The following AUTS2 variants were observed in gnomAD, a reference collection of about 807,000 sequenced individuals.
AUTS2 encodes the protein autism susceptibility gene 2 protein.
In AUTS2, 17 loss-of-function variants were observed where a neutral mutation model predicts 112.4. The observed-to-expected ratio is 0.15, with a 90% CI of 0.10 to 0.23. AUTS2 has a LOEUF of 0.23. Ranked by LOEUF, AUTS2 falls within the 10% of genes least tolerant of loss-of-function variation. The probability of loss-of-function intolerance (pLI) is 1.00; values close to 1 mark genes in which losing one functional copy is unlikely to be tolerated. For synonymous variants in AUTS2, 751 were observed against 702.7 expected, an observed-to-expected ratio of 1.07 and a Z score of -1.09; for missense variants, 1,510 against 1,701.6, an observed-to-expected ratio of 0.89 and a Z score of 1.98.
At chr7:70,583,772 G>C (rs1802564426) in intron 5 of AUTS2, among the ~76,000 whole-genome samples, 1 of 152,104 alleles carries the variant, frequency 6.6e-6, no homozygotes, top group Non-Finnish European at 1.5e-5. Flanking sequence ...TTTCTTTGTG[G>C]AAGAAAGCAA....
chr7:70,066,632 G>A (rs536411793), intron 2 of AUTS2, among the ~76,000 whole-genome samples: 4 of 149,342 alleles, frequency 2.7e-5, no homozygotes, highest in African/African-American at 7.4e-5. Context: ...TCCGTCTCCC[G>A]GGTTCAAGCG....
chr7:70,604,887 G>C (rs1803650673), intron 5 of AUTS2, among the ~76,000 whole-genome samples: 1 of 152,100 alleles, frequency 6.6e-6, no homozygotes, highest in African/African-American at 2.4e-5. Context: ...CCCAAATATG[G>C]GAAATCTGAT....
chr7:69,634,021 C>CA (rs1794399809), intron 1 of AUTS2, among the ~76,000 whole-genome samples: 1 of 152,130 alleles, frequency 6.6e-6, no homozygotes, highest in South Asian at 2.1e-4. Flanking sequence ...ATTGCCAAGA[C>CA]AAAGTCCAGG....
intron 4 of AUTS2, among the ~76,000 whole-genome samples, chr7:70,147,971 C>G (rs1428516441): frequency 6.6e-5 from 10 of 152,092 alleles, no homozygotes. Flanking sequence ...GAAGTGATCT[C>G]TCTTTCCATC....
chr7:70,127,628 G>C (rs977102970), intron 3 of AUTS2, among the ~76,000 whole-genome samples: 3 of 152,148 alleles, frequency 2.0e-5, no homozygotes, highest in African/African-American at 7.2e-5. Context: ...TTAGTTATGA[G>C]AAGACAGAAA....
intron 5 of AUTS2, among the ~76,000 whole-genome samples, chr7:70,501,397 G>A (rs1204051664): frequency 6.6e-6 from 1 of 152,158 alleles, no homozygotes; most frequent in African/African-American, 2.4e-5. Flanking sequence ...CTATGAGATA[G>A]CCTGTTAGCT....
chr7:70,641,598 C>G (rs954703564), intron 5 of AUTS2, among the ~76,000 whole-genome samples: 1 of 152,110 alleles, frequency 6.6e-6, no homozygotes, highest in African/African-American at 2.4e-5. Context: ...TGTGAGCTCA[C>G]CAGTTAACTA....
chr7:70,305,252 C>T (rs1441957761), intron 4 of AUTS2, among the ~76,000 whole-genome samples: 2 of 151,814 alleles, frequency 1.3e-5, no homozygotes, highest in East Asian at 3.9e-4. Context: ...GAAGTAAAGC[C>T]CTCTCAGAGT....
intron 5 of AUTS2, among the ~76,000 whole-genome samples, chr7:70,512,405 A>G (rs933295821): frequency 1.3e-5 from 2 of 152,188 alleles, no homozygotes; most frequent in Non-Finnish European, 2.9e-5. Context: ...TCTTCAACTC[A>G]CTTGTGACTC....
intron 2 of AUTS2, among the ~76,000 whole-genome samples, chr7:69,924,627 C>T (rs1022607473): frequency 2.0e-5 from 3 of 151,824 alleles, no homozygotes; most frequent in African/African-American, 7.3e-5. Flanking sequence ...ACTCAGCTCA[C>T]TGCAACCTCT....
chr7:70,476,255 G>A (rs1797577403), intron 5 of AUTS2, among the ~76,000 whole-genome samples: 1 of 152,082 alleles, frequency 6.6e-6, no homozygotes, highest in Non-Finnish European at 1.5e-5. Context: ...GATTCGTCCA[G>A]TGAGTACAGA....
chr7:70,658,700 C>G (rs1036211724), intron 5 of AUTS2, among the ~76,000 whole-genome samples: 1 of 152,176 alleles, frequency 6.6e-6, no homozygotes, highest in Non-Finnish European at 1.5e-5. Flanking sequence ...ACTTTCTCTA[C>G]AGTTTAGTAC....
rs556739976 is a variant in AUTS2 at position 70,529,425 on chromosome 7, TA to T, written c.690+93648del. ...GGCTTGGAGAGCCGACCAGACCTGC[TA>T]AAACTGTACAGCTTCCAAGGGCTAA... is the stretch of plus-strand genomic sequence containing the variant. On this transcript the variant is annotated intron_variant, in intron 5 of 18. Transcript: ENST00000342771. Among the ~76,000 whole-genome samples, 329 of 152,314 alleles carry T rather than the reference TA, an allele frequency of 2.2e-3. 1 individual carries two copies. Among genetic ancestry groups the T allele is most frequent in the Non-Finnish European group, 3.9e-3 (264 of 68,032 alleles).
intron 5 of AUTS2, among the ~76,000 whole-genome samples, chr7:70,464,351 C>G (rs926251667): frequency 6.6e-6 from 1 of 152,216 alleles, no homozygotes; most frequent in Non-Finnish European, 1.5e-5. Flanking sequence ...CTCAGAGCAA[C>G]GTACAATCAA....
chr7:70,342,895 C>T (rs566751061), intron 4 of AUTS2, among the ~76,000 whole-genome samples: 104 of 152,178 alleles, frequency 6.8e-4, no homozygotes, highest in South Asian at 2.5e-3. Context: ...TGTATTTCAC[C>T]GTGGCAGTGT....
rs561444310 is a variant in AUTS2 at position 70,672,933 on chromosome 7, C to T, written c.691-25636C>T. On this transcript the variant is annotated intron_variant, in intron 5 of 18. Coordinates refer to ENST00000342771, the MANE Select transcript of AUTS2 (RefSeq NM_015570.4). ...GTGATTTTAAAAGCAGGGGAAGCTC[C>T]CATGCTAGTCAAAACAACCCTACTA... Among the ~76,000 whole-genome samples, 179 of 152,238 alleles carry T rather than the reference C, an allele frequency of 1.2e-3. 2 individuals are homozygous for T. Among genetic ancestry groups the T allele is most frequent in the African/African-American group, 4.1e-3 (169 of 41,540 alleles).
At position 70,629,289 on chromosome 7, in the gene AUTS2, G is replaced by C. The variant is rs534706085; in HGVS notation, c.691-69280G>C. Among the ~76,000 whole-genome samples the C allele has an allele frequency of 2.0e-5, 3 of 152,198 alleles. No homozygotes were observed. In the East Asian group the frequency reaches 5.8e-4, roughly 29 times the overall value. ...AGTTTGAGACCAGCTTGGCCAACAG[G>C]GTGAAACCTCGTCTCTACTAAAAAT... On this transcript the variant is annotated intron_variant, in intron 5 of 18. Transcript: ENST00000342771.
At position 70,089,973 on chromosome 7, in the gene AUTS2, C is replaced by T. The variant is rs187310820; in HGVS notation, c.523-28159C>T. On this transcript the variant is annotated intron_variant, in intron 2 of 18. Coordinates refer to ENST00000342771, the MANE Select transcript of AUTS2 (RefSeq NM_015570.4). The stretch of plus-strand genomic sequence containing the variant: ...AGTGAGCCAGGATCGTGCCATTGCA[C>T]TCCAAGCTGGGAAAGACAGAGAGAC... Among the ~76,000 whole-genome samples, 303 of 149,882 alleles carry T rather than the reference C, an allele frequency of 2.0e-3. 7 individuals are homozygous for T. Among genetic ancestry groups the T allele is most frequent in the Non-Finnish European group, 4.7e-4 (32 of 67,628 alleles).
intron 4 of AUTS2, among the ~76,000 whole-genome samples, chr7:70,356,373 A>C (rs1792009702): frequency 6.6e-6 from 1 of 152,180 alleles, no homozygotes; most frequent in Non-Finnish European, 1.5e-5. Context: ...TCTGTTTCTT[A>C]GCTACTAATT....
Sources: gnomAD v4.1 joint callset for allele counts (sites outside exome capture counted in the v4.1 genomes callset) on GRCh38, gnomAD v4.1.1 for gene constraint, MANE v1.5 for transcripts, NCBI Gene and HGNC (gene_info 2026-07-23, HGNC 2026-07-21) for gene names.